Variants in ARL6 observed in about 807,000 individuals in gnomAD.
ARL6 encodes the protein ADP-ribosylation factor-like protein 6.
ARL6 carries 18 observed loss-of-function variants against 27.1 expected under a neutral mutation model. That is an observed-to-expected ratio of 0.66 (90% CI 0.46 to 0.98). The LOEUF (loss-of-function observed/expected upper bound fraction) is 0.98, where lower values mean the gene tolerates loss of function less well. Ranked by LOEUF, ARL6 falls within the 50% of genes least tolerant of loss-of-function variation. The probability of loss-of-function intolerance (pLI) is 0.00; values close to 1 mark genes in which losing one functional copy is unlikely to be tolerated. For missense variants in ARL6, 187 were observed against 214.9 expected (o/e 0.87, Z 0.81); for synonymous variants, 65 against 72.3 (o/e 0.90, Z 0.51).
At chr3:97,774,319 G>A (rs927395696) in intron 2 of ARL6, among the ~76,000 whole-genome samples, 2 of 152,122 alleles carry the variant, frequency 1.3e-5, no homozygotes, top group African/African-American at 2.4e-5. Flanking sequence ...TAGTTATTCC[G>A]GGATTTTAGT....
At chr3:97,784,441 TA>T (rs1395855509) in intron 4 of ARL6, among the ~76,000 whole-genome samples, 1 of 150,284 alleles carries the variant, frequency 6.7e-6, no homozygotes, top group African/African-American at 2.4e-5. Flanking sequence ...TGGTTTATGG[TA>T]AAAATAATTT....
intron 7 of ARL6, among the ~76,000 whole-genome samples, chr3:97,795,707 T>G (rs1294162523): frequency 6.6e-6 from 1 of 152,078 alleles, no homozygotes; most frequent in Non-Finnish European, 1.5e-5. Context: ...TGGTGGAAAT[T>G]GAAAATAAGG....
chr3:97,796,278 T>A (rs2037997296), intron 7 of ARL6, among the ~76,000 whole-genome samples: 1 of 151,986 alleles, frequency 6.6e-6, no homozygotes, highest in East Asian at 1.9e-4. Flanking sequence ...CTCAAAGAGA[T>A]AAGAGAAGGT....
intron 2 of ARL6, 33 bp downstream of exon 2, chr3:97,768,263 T>C (rs116465697): frequency 3.0e-4 from 486 of 1,605,364 alleles, no homozygotes; most frequent in Non-Finnish European, 4.0e-4. Flanking sequence ...TTATGTATTT[T>C]CTGCTACTAA....
chr3:97,771,878 G>GA (rs1229707540), intron 2 of ARL6, among the ~76,000 whole-genome samples: 2 of 152,130 alleles, frequency 1.3e-5, no homozygotes, highest in Non-Finnish European at 2.9e-5. Context: ...TCCCTGGGAT[G>GA]AATCCTACTG....
intron 7 of ARL6, among the ~76,000 whole-genome samples, chr3:97,792,686 CAT>C (rs1353413284): frequency 6.6e-6 from 1 of 152,136 alleles, no homozygotes; most frequent in Non-Finnish European, 1.5e-5. Flanking sequence ...AATAAATTAA[CAT>C]ATATCATTTA....
intron 2 of ARL6, among the ~76,000 whole-genome samples, chr3:97,775,669 A>C (rs1323623170): frequency 5.3e-5 from 8 of 152,294 alleles, no homozygotes; most frequent in Non-Finnish European, 1.5e-5. Context: ...GAACTTTTGA[A>C]TTTCCTTCTT....
chr3:97,765,162 G>A (rs2036308365), intron 1 of ARL6, among the ~76,000 whole-genome samples, 185 bp downstream of exon 1: 1 of 151,866 alleles, frequency 6.6e-6, no homozygotes, highest in Admixed American at 6.6e-5. Flanking sequence ...TTGGACGTAT[G>A]TTTGGTTGAT....
chr3:97,784,731 T>A (rs2037365172), intron 4 of ARL6, among the ~76,000 whole-genome samples: 1 of 151,886 alleles, frequency 6.6e-6, no homozygotes, highest in East Asian at 1.9e-4. Flanking sequence ...GTCATTAAAT[T>A]TACTTTATTA....
Position 97,768,164 on chromosome 3 carries a change from T to C in ARL6, c.57T>C (p.His19=), listed in dbSNP as rs756056955. ...TTGGCCTGAAGAAGAAGGAGGTTCATGTTTTGTGCCTTGGGCTAGATAATA... is the reference window on the plus strand; with the variant it reads ...TTGGCCTGAAGAAGAAGGAGGTTCACGTTTTGTGCCTTGGGCTAGATAATA... ...VLLGLKKKEV[H]VLCLGLDNSG... Residue 19 remains histidine, a synonymous_variant, in exon 2 of 8, where the codon CAT becomes CAC. Transcript: ENST00000463745. The C allele has an allele frequency of 5.0e-6, 8 of 1,613,220 alleles. No individual in the cohort carries two copies. Among genetic ancestry groups the C allele is most frequent in the Non-Finnish European group, 6.8e-6 (8 of 1,179,246 alleles).
rs1404482983 is a variant in ARL6, at chr3:97,799,589, C to T, written c.*1540C>T. On this transcript the variant is annotated 3_prime_UTR_variant, in exon 8 of 8. Coordinates refer to ENST00000463745, the MANE Select transcript of ARL6 (RefSeq NM_001278293.3). ...ATGGAGAAAGAATTGATTGAGAATTCAAATCCTCACTCACTTACCATAAGG... is the reference window on the plus strand; with the variant it reads ...ATGGAGAAAGAATTGATTGAGAATTTAAATCCTCACTCACTTACCATAAGG... 6.6e-6 allele frequency: 1 copy of T among 152,032 alleles called. No homozygotes were observed. Among genetic ancestry groups the T allele is most frequent in the Non-Finnish European group, 1.5e-5 (1 of 67,948 alleles). The allele number at this position is 152,032 out of a possible 1,614,324, so 9.4% of individuals were successfully genotyped here.
chr3:97,782,204 A>AT (rs1331107250), intron 4 of ARL6, among the ~76,000 whole-genome samples: 1 of 151,980 alleles, frequency 6.6e-6, no homozygotes, highest in Admixed American at 6.6e-5. Context: ...TCAGTACAGG[A>AT]TTTTTTAAAT....
Position 97,798,128 on chromosome 3 carries a change from A to T in ARL6, c.*79A>T, listed in dbSNP as rs1266189302. ...ACAAATAGAATACATTTTGTAAAAG[A>T]TGTTTATGCATCAAAAAATATAATT... On this transcript the variant is annotated 3_prime_UTR_variant, in exon 8 of 8. Coordinates refer to ENST00000463745, the MANE Select transcript of ARL6 (RefSeq NM_001278293.3). The T allele has an allele frequency of 7.3e-7, 1 of 1,375,054 alleles. No homozygotes were observed. Among genetic ancestry groups the T allele is most frequent in the Non-Finnish European group, 1.0e-6 (1 of 970,110 alleles). The allele number at this position is 1,375,054 out of a possible 1,614,324, so 85.2% of individuals were successfully genotyped here.
At chr3:97,791,913 C>T in intron 7 of ARL6, 87 bp downstream of exon 7, 1 of 1,208,104 alleles carries the variant, frequency 8.3e-7, no homozygotes, top group Non-Finnish European at 1.2e-6. Flanking sequence ...TTTATTATAT[C>T]ATTGCCTTTT....
At chr3:97,791,179 T>C (rs2037716551) in intron 6 of ARL6, 1 of 152,722 alleles carries the variant, frequency 6.5e-6, no homozygotes, top group Non-Finnish European at 1.5e-5. Flanking sequence ...ACAATCACCA[T>C]ATGAGGTCAA....
chr3:97,777,542 ATTG>A (rs758594265), intron 2 of ARL6, among the ~76,000 whole-genome samples: 138 of 152,216 alleles, frequency 9.1e-4, no homozygotes, highest in Non-Finnish European at 1.4e-3. Flanking sequence ...GTTAAATAGT[ATTG>A]TTATCTTTTT....
chr3:97,767,261 A>G (rs896866128), intron 1 of ARL6, among the ~76,000 whole-genome samples: 1 of 152,174 alleles, frequency 6.6e-6, no homozygotes, highest in Non-Finnish European at 1.5e-5. Flanking sequence ...ATCAGTATTT[A>G]CTTCCTTATT....
intron 2 of ARL6, among the ~76,000 whole-genome samples, chr3:97,769,101 A>G (rs1441621311): frequency 6.6e-6 from 1 of 152,162 alleles, no homozygotes; most frequent in East Asian, 1.9e-4. Flanking sequence ...TTGCAAAAAA[A>G]TAGTGCCCAT....
At chr3:97,786,169 G>A (rs113186053) in intron 5 of ARL6, among the ~76,000 whole-genome samples, 5,853 of 151,932 alleles carry the variant, frequency 0.039, 206 homozygotes, top group African/African-American at 0.095. Context: ...TGGCCAACAT[G>A]GTGAAACCCC....
Sources: allele counts gnomAD v4.1 joint callset (sites outside exome capture counted in the v4.1 genomes callset), GRCh38; gene constraint gnomAD v4.1.1; transcripts MANE v1.5; gene names NCBI Gene and HGNC (gene_info 2026-07-23, HGNC 2026-07-21).